Variants in AGMO observed in about 807,000 individuals in gnomAD.
The protein encoded by AGMO is alkylglycerol monooxygenase, also known as glyceryl-ether monooxygenase.
A neutral mutation model predicts 60.2 loss-of-function variants in AGMO; 75 were observed. That is an observed-to-expected ratio of 1.25 (90% CI 1.03 to 1.51). The LOEUF (loss-of-function observed/expected upper bound fraction) is 1.51, where lower values mean the gene tolerates loss of function less well. AGMO is among the 40% of genes most tolerant of loss of function. The pLI is 0.00. For missense variants in AGMO, 763 were observed against 525.5 expected (o/e 1.45, Z -4.42); for synonymous variants, 261 against 177.1 (o/e 1.47, Z -3.76).
intron 12 of AGMO, among the ~76,000 whole-genome samples, chr7:15,342,161 A>G (rs979532589): frequency 2.1e-5 from 3 of 141,832 alleles, no homozygotes; most frequent in African/African-American, 8.0e-5. Context: ...GAGAGTAGAT[A>G]CCCACAGAGT....
chr7:15,178,224 A>C, the AGMO span, among the ~76,000 whole-genome samples: 1 of 152,148 alleles, frequency 6.6e-6, no homozygotes, highest in African/African-American at 2.4e-5. Context: ...TAAGAAGGGA[A>C]TTTTCCAGAG....
chr7:15,489,132 G>C (rs1037773980), intron 3 of AGMO, among the ~76,000 whole-genome samples: 2 of 151,952 alleles, frequency 1.3e-5, no homozygotes, highest in Non-Finnish European at 2.9e-5. Context: ...TTTTAAATTT[G>C]GGAAAGTCTC....
intron 12 of AGMO, among the ~76,000 whole-genome samples, chr7:15,357,645 T>C (rs6973638): frequency 0.55 from 84,275 of 152,026 alleles, 24,526 homozygotes; most frequent in African/African-American, 0.75. Flanking sequence ...CCTTGCAGAT[T>C]TTGCAACTGC....
chr7:15,218,193 G>T (rs946114213), intron 12 of AGMO, among the ~76,000 whole-genome samples: 1 of 152,052 alleles, frequency 6.6e-6, no homozygotes, highest in African/African-American at 2.4e-5. Context: ...GAGTGAAAAT[G>T]TAACAGTGTG....
chr7:15,481,103 G>T (rs947269508), intron 3 of AGMO, among the ~76,000 whole-genome samples: 1 of 151,504 alleles, frequency 6.6e-6, no homozygotes, highest in Non-Finnish European at 1.5e-5. Context: ...ACAGAACTGT[G>T]GGCTGAAGAA....
At chr7:15,347,585 A>C (rs376003821) in intron 12 of AGMO, among the ~76,000 whole-genome samples, 6 of 149,392 alleles carry the variant, frequency 4.0e-5, no homozygotes, top group African/African-American at 1.5e-4. Flanking sequence ...TGACTCAAAA[A>C]CATCCTCAGT....
chr7:15,226,600 G>C (rs1029350815), intron 12 of AGMO, among the ~76,000 whole-genome samples: 9 of 152,152 alleles, frequency 5.9e-5, no homozygotes, highest in African/African-American at 2.2e-4. Flanking sequence ...TGTTTAGGCA[G>C]ATATGGAGCT....
chr7:15,152,989 C>T, the AGMO span, among the ~76,000 whole-genome samples: 1 of 152,148 alleles, frequency 6.6e-6, no homozygotes, highest in Non-Finnish European at 1.5e-5. Context: ...CTTTTCACCA[C>T]ATCCACAGCA....
In AGMO at chr7:15,432,379, T is replaced by TATATATATATATATATATACAC. The variant is rs373845365; in HGVS notation, c.410-1272_410-1271insGTGTATATATATATATATATAT. Among the ~76,000 whole-genome samples, 128 of 136,186 alleles carry TATATATATATATATATATACAC rather than the reference T, an allele frequency of 9.4e-4. 1 individual carries two copies. The highest frequency in any genetic ancestry group is 3.5e-3 in the African/African-American group (124 of 35,634). 89.3% of individuals were successfully genotyped at this position (136,186 alleles called of 152,430 possible). Reference sequence around the variant, plus strand: ...ATATATATACACACACATATATATATACACTATCTGGGTAAATTTTGGCCA... The same window carrying TATATATATATATATATATACAC: ...ATATATATACACACACATATATATATATATATATATATATATATACACACACTATCTGGGTAAATTTTGGCCA... On this transcript the variant is annotated intron_variant, in intron 3 of 12. Coordinates refer to ENST00000342526, the MANE Select transcript of AGMO (RefSeq NM_001004320.2).
intron 12 of AGMO, among the ~76,000 whole-genome samples, chr7:15,354,496 GTATATATA>G (rs60044874): frequency 0.07 from 1,299 of 18,674 alleles, 90 homozygotes; most frequent in East Asian, 0.16. Flanking sequence ...ATACACACGT[GTATATATA>G]TATATATATA....
chr7:15,309,752 G>A (rs1484911181), intron 12 of AGMO, among the ~76,000 whole-genome samples: 1 of 152,052 alleles, frequency 6.6e-6, no homozygotes, highest in Non-Finnish European at 1.5e-5. Flanking sequence ...ATTTTAGAGA[G>A]AATACAAATA....
intron 12 of AGMO, among the ~76,000 whole-genome samples, chr7:15,294,941 AAAT>A (rs1784370234): frequency 7.3e-5 from 5 of 68,220 alleles, no homozygotes; most frequent in Non-Finnish European, 2.3e-4. Context: ...TCATAAACCT[AAAT>A]AATGCCTAAA....
At chr7:15,290,527 G>A (rs1444446263) in intron 12 of AGMO, among the ~76,000 whole-genome samples, 1 of 152,142 alleles carries the variant, frequency 6.6e-6, no homozygotes, top group Non-Finnish European at 1.5e-5. Context: ...AGCTGCAGTT[G>A]AATGGCTCTC....
chr7:15,512,648 T>C (rs1783705252), intron 3 of AGMO, among the ~76,000 whole-genome samples: 1 of 152,202 alleles, frequency 6.6e-6, no homozygotes, highest in Non-Finnish European at 1.5e-5. Context: ...TCTCACATAT[T>C]GTCACTTAGT....
intron 9 of AGMO, among the ~76,000 whole-genome samples, chr7:15,385,955 C>T (rs542561315): frequency 3.9e-5 from 6 of 151,986 alleles, no homozygotes; most frequent in South Asian, 4.2e-4. Flanking sequence ...CCGAGGCAGG[C>T]GGATCATTTG....
chr7:15,197,989 G>A (rs577168789), downstream of AGMO, among the ~76,000 whole-genome samples: 32 of 152,246 alleles, frequency 2.1e-4, no homozygotes, highest in African/African-American at 7.2e-4. Flanking sequence ...CTGCTATAAA[G>A]TAGTGTTAAC....
At chr7:15,446,622 T>C (rs1328986389) in intron 3 of AGMO, among the ~76,000 whole-genome samples, 1 of 152,206 alleles carries the variant, frequency 6.6e-6, no homozygotes, top group Non-Finnish European at 1.5e-5. Context: ...TCAAACCTCA[T>C]AAATATCCAC....
intron 12 of AGMO, among the ~76,000 whole-genome samples, chr7:15,225,899 T>G (rs941064643): frequency 6.6e-6 from 1 of 152,028 alleles, no homozygotes; most frequent in African/African-American, 2.4e-5. Flanking sequence ...CATAATTCTC[T>G]TCTTACCCTG....
At chr7:15,295,421 G>A (rs1329212556) in intron 12 of AGMO, among the ~76,000 whole-genome samples, 1 of 152,070 alleles carries the variant, frequency 6.6e-6, no homozygotes, top group Non-Finnish European at 1.5e-5. Flanking sequence ...CATTAAACAA[G>A]ATGAGAAATT....
Sources: gnomAD v4.1 joint callset for allele counts (sites outside exome capture counted in the v4.1 genomes callset) on GRCh38, gnomAD v4.1.1 for gene constraint, MANE v1.5 for transcripts, NCBI Gene and HGNC (gene_info 2026-07-23, HGNC 2026-07-21) for gene names.